TTC13: variants seen among roughly 807,000 people sequenced by gnomAD.
TTC13 encodes the protein tetratricopeptide repeat protein 13.
TTC13 carries 62 observed loss-of-function variants against 120.0 expected under a neutral mutation model. That is an observed-to-expected ratio of 0.52 (90% CI 0.42 to 0.64). The LOEUF is 0.64. TTC13 is among the 30% of genes least tolerant of loss of function. The pLI, the probability that TTC13 is intolerant of heterozygous loss-of-function variation, is 0.00. For missense variants in TTC13, 824 were observed against 1,050.2 expected (o/e 0.78, Z 2.98); for synonymous variants, 384 against 393.5 (o/e 0.98, Z 0.28).
intron 1 of TTC13, among the ~76,000 whole-genome samples, chr1:230,977,263 G>A (rs1157267000): frequency 2.0e-5 from 3 of 152,016 alleles, no homozygotes; most frequent in Non-Finnish European, 2.9e-5. Context: ...AATATATGTC[G>A]GCTACTTCTC....
Position 230,917,304 on chromosome 1 carries a change from A to C in TTC13, c.1984-1002T>G, listed in dbSNP as rs112428663. On this transcript the variant is annotated intron_variant, in intron 17 of 22. Coordinates refer to ENST00000366661, the MANE Select transcript of TTC13 (RefSeq NM_024525.5). ...GTCTCAATCTTACAGATGAGAAACG[A>C]ACTAGGTGAGGCAAAGTCTGGCTGA... 9.5e-4 allele frequency among the ~76,000 whole-genome samples: 145 copies of C among 152,332 alleles called. 1 individual carries two copies. Among genetic ancestry groups the C allele is most frequent in the African/African-American group, 3.4e-3 (140 of 41,580 alleles).
chr1:230,906,847 A>G lies in TTC13; in HGVS notation c.*58T>C, dbSNP rs923018287. 6.0e-5 allele frequency: 49 copies of G among 812,300 alleles called. 2 individuals are homozygous for G. The South Asian group carries it at 1.7e-3, about 29-fold the overall frequency. The allele number at this position is 812,300 out of a possible 1,614,324, so 50.3% of individuals were successfully genotyped here. On this transcript the variant is annotated 3_prime_UTR_variant, in exon 23 of 23. Transcript: ENST00000366661. ...ATTTCTTTATAATTCCATGTTTTAA[A>G]AAATAACTTAAGAAGCAAGAGGTCC...
chr1:230,929,059 G>T lies in TTC13; in HGVS notation c.1335C>A (p.Thr445=), dbSNP rs2102825616. The change falls in exon 12 of 23, where the codon ACC becomes ACA. Residue 445 remains threonine (T), a synonymous_variant. Coordinates refer to ENST00000366661, the MANE Select transcript of TTC13 (RefSeq NM_024525.5). ...CATCAATGTTATATTCCGTAAGGGG[G>T]GTATCAAGGTGTGCATGAAGATATC... ...YSRYLHAHLD[T]PLTEYNIDVD... 6.2e-7 allele frequency: 1 copy of T among 1,614,100 alleles called. No homozygotes were observed. The highest frequency in any genetic ancestry group is 8.5e-7 in the Non-Finnish European group (1 of 1,180,010).
Position 230,931,457 on chromosome 1 carries a change from C to G in TTC13, c.1141G>C (p.Glu381Gln). 2 of 1,614,082 alleles carry G rather than the reference C, an allele frequency of 1.2e-6. No individual in the cohort carries two copies. Among genetic ancestry groups the G allele is most frequent in the Non-Finnish European group, 8.5e-7 (1 of 1,180,016 alleles). ...TACTGGCACACTTCATTATATGGCT[C>G]TAGCTGCAGACACCGCTGAGGACAA... ...LKNFKRCLQL[E>Q]PYNEVCQYMK... is the part of the protein sequence containing the mutation. Residue 381 changes from glutamate to glutamine, a missense_variant, in exon 11 of 23, where the codon GAG becomes CAG. Glu to Gln is a conservative substitution (Grantham distance 29). Around this residue, in one of 4 missense-constraint regions of TTC13, gnomAD observed 430 missense variants for 626.8 expected, o/e 0.69. Coordinates refer to ENST00000366661, the MANE Select transcript of TTC13 (RefSeq NM_024525.5).
chr1:230,910,697 C>T (rs1671413641), intron 20 of TTC13, among the ~76,000 whole-genome samples: 1 of 152,198 alleles, frequency 6.6e-6, no homozygotes, highest in Non-Finnish European at 1.5e-5. Flanking sequence ...GCCTCACATC[C>T]CTTATTCAGT....
chr1:230,965,093 A>T (rs950236484), intron 1 of TTC13, among the ~76,000 whole-genome samples: 1 of 152,232 alleles, frequency 6.6e-6, no homozygotes, highest in Non-Finnish European at 1.5e-5. Flanking sequence ...TAACACCCAC[A>T]AACACAGGCA....
rs143460207 is a variant in TTC13, at chr1:230,940,914, G to A, written c.673-358C>T. Among the ~76,000 whole-genome samples the A allele has an allele frequency of 2.0e-5, 3 of 152,254 alleles. No individual in the cohort carries two copies. Among genetic ancestry groups the A allele is most frequent in the African/African-American group, 7.2e-5 (3 of 41,536 alleles). On this transcript the variant is annotated intron_variant, in intron 6 of 22. Transcript: ENST00000366661. This position sits in a 1 kb window ranked among gnomAD's most constrained non-coding sequence, Gnocchi z 4.1. ...TACACAAAGATGTCAAAATTAACCT[G>A]AAAGATAACTTTGAACCATTAAAAT...
intron 18 of TTC13, 95 bp from the exon 19 acceptor site, chr1:230,912,853 G>T: frequency 1.8e-6 from 2 of 1,116,730 alleles, no homozygotes; most frequent in Non-Finnish European, 2.6e-6. Flanking sequence ...GCATACTGAC[G>T]TAGCACTAAA....
At chr1:230,931,632 T>C in intron 10 of TTC13, 104 bp downstream of exon 10, 13 of 1,484,122 alleles carry the variant, frequency 8.8e-6, no homozygotes, top group Non-Finnish European at 1.0e-5. Context: ...TTTGTTGGAG[T>C]AGAAACACTA....
chr1:230,973,546 T>C (rs1281345487), intron 1 of TTC13, among the ~76,000 whole-genome samples: 1 of 152,188 alleles, frequency 6.6e-6, no homozygotes, highest in African/African-American at 2.4e-5. Context: ...AGTACAGGGC[T>C]GCATCACTCA....
intron 15 of TTC13, among the ~76,000 whole-genome samples, chr1:230,923,608 C>G (rs1672789271): frequency 6.6e-6 from 1 of 151,476 alleles, no homozygotes; most frequent in Non-Finnish European, 1.5e-5. Context: ...CGGTTGTGCT[C>G]TACACCAGAC....
chr1:230,908,203 T>C (rs923747835), intron 22 of TTC13, among the ~76,000 whole-genome samples: 1 of 152,244 alleles, frequency 6.6e-6, no homozygotes, highest in South Asian at 2.1e-4. Flanking sequence ...CATGGTTCTT[T>C]AAGAGTCAGG....
At chr1:230,959,123 T>C (rs112618559) in intron 2 of TTC13, among the ~76,000 whole-genome samples, 8 of 152,334 alleles carry the variant, frequency 5.3e-5, no homozygotes, top group South Asian at 2.1e-4. Flanking sequence ...TCAGTGAAGC[T>C]GGGAAAAAAA....
intron 4 of TTC13, among the ~76,000 whole-genome samples, chr1:230,951,985 C>T (rs780421336): frequency 3.3e-5 from 5 of 152,146 alleles, no homozygotes; most frequent in Non-Finnish European, 4.4e-5. Flanking sequence ...ACAGAGACTG[C>T]GTGCATCAAT....
intron 18 of TTC13, among the ~76,000 whole-genome samples, chr1:230,914,962 A>G (rs1671873850): frequency 2.0e-5 from 3 of 152,100 alleles, no homozygotes; most frequent in Admixed American, 2.0e-4. Context: ...TAGGAATCTG[A>G]TCTGAGGATA....
chr1:230,929,303 C>G (rs2102827022), intron 11 of TTC13, among the ~76,000 whole-genome samples: 1 of 148,478 alleles, frequency 6.7e-6, no homozygotes, highest in South Asian at 2.2e-4. Context: ...GTCAGTCAGT[C>G]TGGGTCTACT....
chr1:230,936,053 T>C, intron 8 of TTC13: 1 of 380,054 alleles, frequency 2.6e-6, no homozygotes, highest in Non-Finnish European at 5.2e-6. Flanking sequence ...CAGGTGGGGA[T>C]GGGGTGGGGC....
In TTC13 at chr1:230,911,563, A is replaced by T. The variant is rs750147918; in HGVS notation, c.2230-14T>A. On this transcript the variant is annotated splice_polypyrimidine_tract_variant and intron_variant, in intron 19 of 22. Transcript: ENST00000366661. The stretch of plus-strand genomic sequence containing the variant: ...AGCATCAGCCTCCTAGAAAAAAAAG[A>T]TACAGACTCATAAATACTATAAAGA... 6.8e-7 allele frequency: 1 copy of T among 1,472,566 alleles called. No individual in the cohort carries two copies. Among genetic ancestry groups the T allele is most frequent in the Non-Finnish European group, 9.1e-7 (1 of 1,097,506 alleles). 91.2% of individuals were successfully genotyped at this position (1,472,566 alleles called of 1,614,324 possible).
intron 17 of TTC13, among the ~76,000 whole-genome samples, chr1:230,916,710 A>G (rs1672068370): frequency 6.6e-6 from 1 of 152,204 alleles, no homozygotes; most frequent in Non-Finnish European, 1.5e-5. Flanking sequence ...CTAGTGCTCA[A>G]AGCAGAGACT....
Sources: allele counts gnomAD v4.1 joint callset (sites outside exome capture counted in the v4.1 genomes callset), GRCh38; gene constraint gnomAD v4.1.1; regional missense constraint gnomAD v4.1.1; non-coding constraint Gnocchi (gnomAD v3.1); transcripts MANE v1.5; gene names NCBI Gene and HGNC (gene_info 2026-07-23, HGNC 2026-07-21).